The following CNTRL variants were observed in gnomAD, a reference collection of about 807,000 sequenced individuals.
CNTRL encodes the protein centriolin.
A neutral mutation model predicts 303.7 loss-of-function variants in CNTRL; 233 were observed. That is an observed-to-expected ratio of 0.77 (90% confidence interval 0.69 to 0.86). The LOEUF is 0.86. Among genes scored for constraint, CNTRL ranks in the 40% least tolerant of loss-of-function variants. The pLI is 0.00. For missense variants in CNTRL, 2,524 were observed against 2,650.6 expected (o/e 0.95, Z 1.05); for synonymous variants, 900 against 922.2 (o/e 0.98, Z 0.44).
At position 121,079,647 on chromosome 9, in the gene CNTRL, C is replaced by T. The variant is rs2048062631; in HGVS notation, c.-204-659C>T. Reference sequence around the variant, plus strand: ...TTTTTACATTTATATTTAAATATTTCAGATTTTCAGATTTGGAGTGCTTAA... The same window carrying T: ...TTTTTACATTTATATTTAAATATTTTAGATTTTCAGATTTGGAGTGCTTAA... On this transcript the variant is annotated intron_variant, in intron 1 of 43. Transcript: ENST00000373855. 2.0e-5 allele frequency among the ~76,000 whole-genome samples: 3 copies of T among 151,914 alleles called. 1 individual carries two copies. Among genetic ancestry groups the T allele is most frequent in the Admixed American group, 2.0e-4 (3 of 15,242 alleles).
At position 121,138,252 on chromosome 9, in the gene CNTRL, C is replaced by T. The variant is rs12336127; in HGVS notation, c.2203-293C>T. Among the ~76,000 whole-genome samples, 1,083 of 152,238 alleles carry T rather than the reference C, an allele frequency of 7.1e-3. 48 individuals carry two copies. The highest frequency in any genetic ancestry group is 0.052 in the Admixed American group (792 of 15,292). ...GAAAGGAGAGCAATAATTGTTGGAT[C>T]ACTTGCAGAACTTTTAAAGGTAGGT... On this transcript the variant is annotated intron_variant, in intron 15 of 43. Transcript: ENST00000373855.
At chr9:121,147,703 A>G (rs2051962868) in intron 23 of CNTRL, among the ~76,000 whole-genome samples, 1 of 152,238 alleles carries the variant, frequency 6.6e-6, no homozygotes, top group Non-Finnish European at 1.5e-5. Context: ...TGCTAGAATC[A>G]GCCGATGAGC....
chr9:121,122,407 G>A (rs1347327598), intron 12 of CNTRL: 3 of 984,954 alleles, frequency 3.0e-6, no homozygotes, highest in South Asian at 9.4e-5. Flanking sequence ...ATGAAGAGAC[G>A]TTTCTTTCTT....
intron 38 of CNTRL, among the ~76,000 whole-genome samples, chr9:121,169,093 C>T (rs1051246162): frequency 2.0e-5 from 3 of 152,142 alleles, no homozygotes; most frequent in South Asian, 2.1e-4. Context: ...CATTATCTGT[C>T]GAGTACTCAC....
chr9:121,144,705 G>T, intron 20 of CNTRL, 138 bp from the exon 21 acceptor site: 2 of 719,486 alleles, frequency 2.8e-6, no homozygotes, highest in South Asian at 3.3e-5. Flanking sequence ...CACAGGAGAA[G>T]GTGGGGCTTG....
intron 7 of CNTRL, among the ~76,000 whole-genome samples, chr9:121,099,562 C>T (rs2049043929): frequency 1.3e-5 from 2 of 152,144 alleles, no homozygotes; most frequent in African/African-American, 2.4e-5. Flanking sequence ...ATGACTTTAA[C>T]GAGTTGAAAG....
intron 24 of CNTRL, 97 bp downstream of exon 24, chr9:121,148,958 A>G: frequency 9.0e-7 from 1 of 1,115,738 alleles, no homozygotes; most frequent in Non-Finnish European, 1.3e-6. Flanking sequence ...CAGACTCCTT[A>G]GCTAGCTCCA....
At chr9:121,088,902 G>A (rs2048450057) in intron 3 of CNTRL, among the ~76,000 whole-genome samples, 1 of 152,210 alleles carries the variant, frequency 6.6e-6, no homozygotes, top group South Asian at 2.1e-4. Flanking sequence ...ATACATACTT[G>A]GCCTATGCCA....
At position 121,090,387 on chromosome 9, in the gene CNTRL, C is replaced by T. The variant is rs117390062; in HGVS notation, c.330C>T (p.Asp110=). The T allele has an allele frequency of 5.6e-3, 8,950 of 1,609,856 alleles. 40 individuals are homozygous for T. The highest frequency in any genetic ancestry group is 6.3e-3 in the Non-Finnish European group (7,457 of 1,178,508). The change falls in exon 4 of 44, where the codon GAC becomes GAT. Residue 110 remains aspartate, a synonymous_variant. Coordinates refer to ENST00000373855, the MANE Select transcript of CNTRL (RefSeq NM_007018.6). ...IKSLNLSLSK[D]GGKKFKYIEN... ...CTCTGAACCTTTCACTTTCTAAAGACGGTGGCAAGAAATTTAAGGTAGGTT... is the reference window on the plus strand; with the variant it reads ...CTCTGAACCTTTCACTTTCTAAAGATGGTGGCAAGAAATTTAAGGTAGGTT...
chr9:121,126,337 A>G (rs1340357167), intron 14 of CNTRL, among the ~76,000 whole-genome samples: 2 of 152,222 alleles, frequency 1.3e-5, no homozygotes, highest in Non-Finnish European at 2.9e-5. Flanking sequence ...TATAGCTAAC[A>G]AAACAGACAT....
In CNTRL at chr9:121,146,158, C is replaced by A. The variant is rs760364010; in HGVS notation, c.3361C>A (p.Arg1121Ser). 3 of 1,612,792 alleles carry A rather than the reference C, an allele frequency of 1.9e-6. No individual in the cohort carries two copies. Among genetic ancestry groups the A allele is most frequent in the African/African-American group, 1.3e-5 (1 of 74,894 alleles). Residue 1121 changes from arginine to serine, a missense_variant, in exon 23 of 44, where the codon CGT becomes AGT. Transcript: ENST00000373855. Reference protein sequence around the residue: ...NVLEEIAELRREVSYQNDYIS... With the variant: ...NVLEEIAELRSEVSYQNDYIS... Reference sequence around the variant, plus strand: ...TTTAGAAGAAATTGCTGAACTTCGACGTGAAGTTTCTTATCAGAATGATTA... The same window carrying A: ...TTTAGAAGAAATTGCTGAACTTCGAAGTGAAGTTTCTTATCAGAATGATTA...
intron 11 of CNTRL, among the ~76,000 whole-genome samples, chr9:121,115,567 A>C (rs1413215102): frequency 6.6e-6 from 1 of 152,114 alleles, no homozygotes; most frequent in African/African-American, 2.4e-5. Context: ...GAACATTGTC[A>C]TCAAACACAA....
intron 39 of CNTRL, among the ~76,000 whole-genome samples, chr9:121,170,499 A>G (rs1420036261): frequency 6.6e-6 from 1 of 151,120 alleles, no homozygotes; most frequent in African/African-American, 2.4e-5. Context: ...TCTGTCGCCC[A>G]GTCTGGAGTG....
At chr9:121,090,973 C>G (rs1438828946) in intron 4 of CNTRL, among the ~76,000 whole-genome samples, 1 of 152,076 alleles carries the variant, frequency 6.6e-6, no homozygotes, top group Non-Finnish European at 1.5e-5. Context: ...TGGCAGCAGG[C>G]CTAAAGAGAG....
chr9:121,125,387 C>T (rs12237011), intron 13 of CNTRL, among the ~76,000 whole-genome samples: 12,267 of 152,054 alleles, frequency 0.081, 1,171 homozygotes, highest in African/African-American at 0.22. Context: ...TCTCGATCTC[C>T]TGACCTCATG....
At chr9:121,105,500 C>G (rs1251487833) in intron 7 of CNTRL, among the ~76,000 whole-genome samples, 1 of 152,146 alleles carries the variant, frequency 6.6e-6, no homozygotes, top group African/African-American at 2.4e-5. Flanking sequence ...GAGATCTGGA[C>G]TAGTCATACA....
At chr9:121,148,424 T>C (rs2052008148) in intron 23 of CNTRL, among the ~76,000 whole-genome samples, 1 of 152,228 alleles carries the variant, frequency 6.6e-6, no homozygotes, top group African/African-American at 2.4e-5. Flanking sequence ...CCCTCCTTTC[T>C]GCATGGCTTC....
intron 13 of CNTRL, 76 bp downstream of exon 13, chr9:121,124,160 T>C (rs936621032): frequency 2.8e-5 from 36 of 1,285,956 alleles, no homozygotes; most frequent in African/African-American, 4.5e-5. Context: ...CAAGCATTAA[T>C]CCAGATAGTA....
intron 2 of CNTRL, among the ~76,000 whole-genome samples, chr9:121,083,062 G>T (rs2048207014): frequency 6.6e-6 from 1 of 151,960 alleles, no homozygotes; most frequent in African/African-American, 2.4e-5. Context: ...CAGATGAATG[G>T]AGCTTGCAGG....
Sources: allele counts gnomAD v4.1 joint callset (sites outside exome capture counted in the v4.1 genomes callset), GRCh38; gene constraint gnomAD v4.1.1; transcripts MANE v1.5; gene names NCBI Gene and HGNC (gene_info 2026-07-23, HGNC 2026-07-21).